Variants in TTC3 observed in about 807,000 individuals in gnomAD.
TTC3 encodes the protein E3 ubiquitin-protein ligase TTC3.
A neutral mutation model predicts 249.6 loss-of-function variants in TTC3; 180 were observed. The ratio of observed to expected loss-of-function variants is 0.72; its 90% CI spans 0.64 to 0.82. The LOEUF is 0.82. Ranked by LOEUF, TTC3 falls within the 40% of genes least tolerant of loss-of-function variation. The probability of loss-of-function intolerance (pLI) is 0.00; values close to 1 mark genes in which losing one functional copy is unlikely to be tolerated. For missense variants in TTC3, 2,061 were observed against 2,398.4 expected, an observed-to-expected ratio of 0.86 and a Z score of 2.94; for synonymous variants, 717 against 805.0, an observed-to-expected ratio of 0.89 and a Z score of 1.85.
chr21:37,180,162 T>C (rs1424628893), intron 35 of TTC3, among the ~76,000 whole-genome samples: 1 of 152,216 alleles, frequency 6.6e-6, no homozygotes, highest in African/African-American at 2.4e-5. Context: ...CTTGTGCAAC[T>C]GGTTTGTTTT....
intron 35 of TTC3, among the ~76,000 whole-genome samples, chr21:37,174,205 A>T (rs985995820): frequency 6.6e-6 from 1 of 152,182 alleles, no homozygotes; most frequent in African/African-American, 2.4e-5. Context: ...GAAATAAAGC[A>T]CCCAGTGGGA....
At chr21:37,094,280 G>A (rs566923382) in intron 8 of TTC3, among the ~76,000 whole-genome samples, 190 bp downstream of exon 8, 8 of 152,134 alleles carry the variant, frequency 5.3e-5, no homozygotes, top group South Asian at 2.1e-4. Context: ...TGAAAATTTG[G>A]TTTTTAAAAA....
chr21:37,165,064 T>A (rs917383583), intron 32 of TTC3, among the ~76,000 whole-genome samples: 2 of 152,228 alleles, frequency 1.3e-5, no homozygotes, highest in African/African-American at 4.8e-5. Context: ...AAAATTATAC[T>A]ATTATTTCTT....
At chr21:37,098,225 G>T (rs890894297) in intron 10 of TTC3, 1 of 282,884 alleles carries the variant, frequency 3.5e-6, no homozygotes, top group Admixed American at 5.3e-5. Flanking sequence ...GAATTTGTAT[G>T]CTTTCAAGAT....
At chr21:37,126,436 A>G (rs746258936) in intron 15 of TTC3, among the ~76,000 whole-genome samples, 8 of 152,040 alleles carry the variant, frequency 5.3e-5, no homozygotes, top group Non-Finnish European at 8.8e-5. Context: ...CTCATTATTG[A>G]AAGTTTATTA....
chr21:37,152,162 ACT>A, intron 26 of TTC3, 133 bp downstream of exon 26: 1 of 1,078,840 alleles, frequency 9.3e-7, no homozygotes, highest in East Asian at 2.7e-5. Context: ...TAATACTATC[ACT>A]GTCTTCTGTT....
rs373187901 is a variant in TTC3, at chr21:37,076,076, A to G, written c.-12+2712A>G. On this transcript the variant is annotated intron_variant, in intron 1 of 45. Coordinates refer to ENST00000355666, the Ensembl canonical transcript of TTC3. The stretch of plus-strand genomic sequence containing the variant: ...GTGCTTACTTCCAGAGGTGACTACC[A>G]TCCTGAATTGTGTATATTATGCCTT... Among the ~76,000 whole-genome samples, 25 of 152,338 alleles carry G rather than the reference A, an allele frequency of 1.6e-4. No individual in the cohort carries two copies. The South Asian group carries it at 2.1e-3, about 13-fold the overall frequency.
At chr21:37,096,075 A>G (rs2073912539) in intron 9 of TTC3, among the ~76,000 whole-genome samples, 1 of 152,242 alleles carries the variant, frequency 6.6e-6, no homozygotes, top group Non-Finnish European at 1.5e-5. Context: ...ACCACCTCTG[A>G]GAGGCTGCTG....
intron 1 of TTC3, among the ~76,000 whole-genome samples, chr21:37,075,060 T>G (rs577116247): frequency 1.3e-5 from 2 of 152,222 alleles, no homozygotes; most frequent in Middle Eastern, 3.2e-3. Context: ...ATATCTTTAC[T>G]TTGCATATTT....
intron 11 of TTC3, among the ~76,000 whole-genome samples, chr21:37,117,343 A>G (rs904025803): frequency 6.6e-6 from 1 of 152,148 alleles, no homozygotes; most frequent in Non-Finnish European, 1.5e-5. Context: ...TGTCATTGCA[A>G]ATAAAAGACA....
At chr21:37,181,094 G>A (rs759894867) in intron 35 of TTC3, among the ~76,000 whole-genome samples, 12 of 152,182 alleles carry the variant, frequency 7.9e-5, no homozygotes, top group Admixed American at 2.6e-4. Flanking sequence ...AAACAAGCTC[G>A]TGATAGCTGA....
chr21:37,096,032 T>C (rs1057357684), intron 9 of TTC3, among the ~76,000 whole-genome samples: 1 of 152,154 alleles, frequency 6.6e-6, no homozygotes, highest in African/African-American at 2.4e-5. Flanking sequence ...CCCTTGTGCA[T>C]CTCCACAGGG....
intron 32 of TTC3, 132 bp downstream of exon 32, chr21:37,164,347 T>C (rs1000246317): frequency 4.2e-5 from 40 of 948,248 alleles, no homozygotes; most frequent in Non-Finnish European, 5.5e-5. Context: ...AGGATTTTTT[T>C]TTTTTTTTTG....
chr21:37,152,132 A>G, intron 26 of TTC3, 103 bp downstream of exon 26: 1 of 1,261,870 alleles, frequency 7.9e-7, no homozygotes, highest in Non-Finnish European at 1.1e-6. Flanking sequence ...GAATTGAAAT[A>G]AAGATTTCAC....
At chr21:37,178,572 G>T (rs1250107258) in intron 35 of TTC3, among the ~76,000 whole-genome samples, 1 of 152,068 alleles carries the variant, frequency 6.6e-6, no homozygotes, top group Non-Finnish European at 1.5e-5. Flanking sequence ...CTTTTCATAT[G>T]CTTATTAGCC....
At chr21:37,143,224 A>G (rs896842706) in intron 20 of TTC3, among the ~76,000 whole-genome samples, 1 of 152,200 alleles carries the variant, frequency 6.6e-6, no homozygotes, top group Non-Finnish European at 1.5e-5. Flanking sequence ...AGCAATGGCA[A>G]CAAAAGCCAA....
intron 43 of TTC3, 35 bp downstream of exon 43, chr21:37,197,731 T>G (rs1302567822): frequency 6.5e-7 from 1 of 1,536,934 alleles, no homozygotes; most frequent in East Asian, 2.4e-5. Flanking sequence ...TATCCTTATT[T>G]ATTTATAAAA....
intron 10 of TTC3, 30 bp downstream of exon 10, chr21:37,096,673 AATT>A: frequency 3.9e-6 from 6 of 1,534,936 alleles, no homozygotes; most frequent in South Asian, 1.2e-5. Flanking sequence ...TCAACCACTG[AATT>A]ATTATGCTAA....
intron 19 of TTC3, among the ~76,000 whole-genome samples, chr21:37,139,194 T>C (rs982242597): frequency 3.9e-5 from 6 of 152,268 alleles, no homozygotes; most frequent in Admixed American, 6.5e-5. Flanking sequence ...TTTCGTGTTA[T>C]GCTGTTTTCC....
Sources: allele counts gnomAD v4.1 joint callset (sites outside exome capture counted in the v4.1 genomes callset), GRCh38; gene constraint gnomAD v4.1.1; transcripts MANE v1.5; gene names NCBI Gene and HGNC (gene_info 2026-07-23, HGNC 2026-07-21).